SCRN1: variants seen among roughly 807,000 people sequenced by gnomAD.
The protein encoded by SCRN1 is secernin-1.
In SCRN1, 19 loss-of-function variants were observed where a neutral mutation model predicts 43.3. That is an observed-to-expected ratio of 0.44 (90% confidence interval 0.31 to 0.64). SCRN1 has a LOEUF of 0.64. Among genes scored for constraint, SCRN1 ranks in the 30% least tolerant of loss-of-function variants. The probability of loss-of-function intolerance (pLI) is 0.09; values close to 1 mark genes in which losing one functional copy is unlikely to be tolerated. For synonymous variants in SCRN1, 183 were observed against 188.9 expected (o/e 0.97, Z 0.26); for missense variants, 447 against 524.1 (o/e 0.85, Z 1.44).
At chr7:29,986,143 G>C (rs972416208) in intron 1 of SCRN1, among the ~76,000 whole-genome samples, 1 of 152,278 alleles carries the variant, frequency 6.6e-6, no homozygotes, top group Non-Finnish European at 1.5e-5. Context: ...GGTTGAGGCA[G>C]GAGAATCGCT....
At chr7:29,962,315 T>G (rs1007469530) in intron 2 of SCRN1, among the ~76,000 whole-genome samples, 3 of 149,960 alleles carry the variant, frequency 2.0e-5, no homozygotes, top group African/African-American at 4.9e-5. Flanking sequence ...GAGGGTTATA[T>G]TCTCAGAAAA....
In SCRN1 at chr7:29,927,849, G is replaced by A. The variant is rs193213491; in HGVS notation, c.906-1217C>T. Among the ~76,000 whole-genome samples the A allele has an allele frequency of 2.9e-3, 437 of 152,220 alleles. 2 individuals carry two copies. Among genetic ancestry groups the A allele is most frequent in the Admixed American group, 8.7e-3 (133 of 15,298 alleles). ...ATATTTTCAGGTATGGGCAAGGTAT[G>A]GTGGCTCACACCTGTAATCCCAGCA... On this transcript the variant is annotated intron_variant, in intron 6 of 7. Coordinates refer to ENST00000242059, the MANE Select transcript of SCRN1 (RefSeq NM_014766.5).
At chr7:29,930,553 T>C (rs1215109169) in intron 6 of SCRN1, among the ~76,000 whole-genome samples, 2 of 152,172 alleles carry the variant, frequency 1.3e-5, no homozygotes, top group East Asian at 3.8e-4. Context: ...CACCCAACCG[T>C]GTCCAGCCCA....
chr7:29,989,955 A>C, upstream of SCRN1: 3 of 1,217,508 alleles, frequency 2.5e-6, no homozygotes, highest in Non-Finnish European at 1.0e-6. Flanking sequence ...TCGAGTAGGG[A>C]GGGGGCCTGG....
rs758359979 is a variant in SCRN1 at position 29,924,100 on chromosome 7, G to C, written c.1102C>G (p.Leu368Val). ...IESDQEQGRK[L>V]RSTMLELEKQ... ...TCCAGCTCCAGCATGGTGCTCCTCA[G>C]CTTGCGACCTTGCTCCTGAGGAAGG... The change falls in exon 8 of 8, where the codon CTG becomes GTG. Residue 368 changes from leucine (L) to valine (V), a missense_variant. Coordinates refer to ENST00000242059, the MANE Select transcript of SCRN1 (RefSeq NM_014766.5). 1.2e-6 allele frequency: 2 copies of C among 1,611,948 alleles called. No individual in the cohort carries two copies. The highest frequency in any genetic ancestry group is 2.2e-5 in the South Asian group (2 of 90,722).
chr7:29,931,860 G>C (rs1192907130), intron 6 of SCRN1, among the ~76,000 whole-genome samples: 2 of 152,146 alleles, frequency 1.3e-5, no homozygotes, highest in Non-Finnish European at 2.9e-5. Context: ...CAAAAACGCA[G>C]GCGCCCCTCA....
At chr7:29,964,722 C>T (rs1423855681) in intron 2 of SCRN1, among the ~76,000 whole-genome samples, 5 of 152,020 alleles carry the variant, frequency 3.3e-5, no homozygotes, top group Admixed American at 6.6e-5. Flanking sequence ...GCGGGTGGAT[C>T]ACTTGAGGTC....
chr7:29,961,912 G>A lies in SCRN1; in HGVS notation c.160-6552C>T, dbSNP rs114036397. On this transcript the variant is annotated intron_variant, in intron 2 of 7. Coordinates refer to ENST00000242059, the MANE Select transcript of SCRN1 (RefSeq NM_014766.5). ...ACATATGGAGATGATGGCTGGATGGGACTGACTGACAAGAAGATGGAGAGA... is the reference window on the plus strand; with the variant it reads ...ACATATGGAGATGATGGCTGGATGGAACTGACTGACAAGAAGATGGAGAGA... Among the ~76,000 whole-genome samples the A allele has an allele frequency of 3.4e-3, 517 of 152,248 alleles. 1 individual carries two copies. Among genetic ancestry groups the A allele is most frequent in the African/African-American group, 0.011 (464 of 41,556 alleles).
At chr7:29,956,618 C>T (rs1583675893) in intron 2 of SCRN1, among the ~76,000 whole-genome samples, 1 of 152,166 alleles carries the variant, frequency 6.6e-6, no homozygotes, top group African/African-American at 2.4e-5. Context: ...AGCTGAAACC[C>T]GTGTGACACA....
At chr7:29,954,256 C>T (rs1382506401) in intron 3 of SCRN1, among the ~76,000 whole-genome samples, 8 of 152,106 alleles carry the variant, frequency 5.3e-5, no homozygotes, top group Admixed American at 5.2e-4. Flanking sequence ...GAAAAAATAA[C>T]TGAGACATAG....
In SCRN1 at chr7:29,953,533, TA is replaced by T. The variant is rs79449871; in HGVS notation, c.341+1645del. Among the ~76,000 whole-genome samples, 229 of 141,002 alleles carry T rather than the reference TA, an allele frequency of 1.6e-3. 2 individuals are homozygous for T. The highest frequency in any genetic ancestry group is 4.8e-3 in the Admixed American group (68 of 14,188). 92.5% of individuals were successfully genotyped at this position (141,002 alleles called of 152,430 possible). ...ACTGGAGAGCTGTCAAAACATAAGCTAAAAAAAAAAAAACTTCTTGTTATTC... is the reference window on the plus strand; with the variant it reads ...ACTGGAGAGCTGTCAAAACATAAGCTAAAAAAAAAAAACTTCTTGTTATTC... On this transcript the variant is annotated intron_variant, in intron 3 of 7. Transcript: ENST00000242059.
chr7:29,934,444 C>T (rs973110722), intron 6 of SCRN1, among the ~76,000 whole-genome samples: 3 of 152,182 alleles, frequency 2.0e-5, no homozygotes, highest in Non-Finnish European at 4.4e-5. Flanking sequence ...TTGGAAGGGT[C>T]CTGTTCCCTA....
At chr7:29,954,883 G>A (rs1421459534) in intron 3 of SCRN1, among the ~76,000 whole-genome samples, 4 of 152,126 alleles carry the variant, frequency 2.6e-5, no homozygotes, top group African/African-American at 9.7e-5. Flanking sequence ...GTTTCACCAT[G>A]TTGGCCAGGC....
chr7:29,980,186 GT>G (rs781724027), intron 1 of SCRN1, among the ~76,000 whole-genome samples: 19 of 152,146 alleles, frequency 1.2e-4, no homozygotes, highest in Non-Finnish European at 2.1e-4. Flanking sequence ...AGAAAGGTTT[GT>G]TCCTTTAACT....
Position 29,965,564 on chromosome 7 carries a change from T to C in SCRN1, c.159+3345A>G, listed in dbSNP as rs986523407. Among the ~76,000 whole-genome samples the C allele has an allele frequency of 1.3e-5, 2 of 152,090 alleles. No individual in the cohort carries two copies. Among genetic ancestry groups the C allele is most frequent in the Non-Finnish European group, 2.9e-5 (2 of 68,030 alleles). On this transcript the variant is annotated intron_variant, in intron 2 of 7. Transcript: ENST00000242059. The surrounding 1 kb of genome is among the most constrained non-coding windows in gnomAD (Gnocchi z 4.2). ...CAATGCATATGTTGTTACAGCAACATATATGAGCTGGGGGAAATGAATTTG... is the reference window on the plus strand; with the variant it reads ...CAATGCATATGTTGTTACAGCAACACATATGAGCTGGGGGAAATGAATTTG...
intron 1 of SCRN1, among the ~76,000 whole-genome samples, chr7:29,980,540 T>A (rs937537782): frequency 5.9e-5 from 9 of 152,124 alleles, no homozygotes; most frequent in East Asian, 1.9e-4. Context: ...TTAAAAAAAA[T>A]TTTCCCAATC....
chr7:29,977,215 A>C (rs1788860987), intron 1 of SCRN1, among the ~76,000 whole-genome samples: 1 of 152,218 alleles, frequency 6.6e-6, no homozygotes, highest in African/African-American at 2.4e-5. Flanking sequence ...TAAAGAATGA[A>C]ACCCAAATGT....
chr7:29,969,029 G>T lies in SCRN1; in HGVS notation c.39C>A (p.Phe13Leu). ...CCAGACCATCCTTAGCACGTGGAGGGAAGGCAACAAAACAGTAACTTGGAG... is the reference window on the plus strand; with the variant it reads ...CCAGACCATCCTTAGCACGTGGAGGTAAGGCAACAAAACAGTAACTTGGAG... ...AAPPSYCFVA[F>L]PPRAKDGLVV... Residue 13 changes from phenylalanine to leucine, a missense_variant, in exon 2 of 8, where the codon TTC (phenylalanine) becomes TTA (leucine). By Grantham distance (22) the Phe-to-Leu change is conservative. Coordinates refer to ENST00000242059, the MANE Select transcript of SCRN1 (RefSeq NM_014766.5). The T allele has an allele frequency of 5.0e-6, 8 of 1,614,026 alleles. No individual in the cohort carries two copies. Among genetic ancestry groups the T allele is most frequent in the Non-Finnish European group, 6.8e-6 (8 of 1,179,986 alleles).
chr7:29,937,093 C>T (rs768796749), intron 5 of SCRN1, among the ~76,000 whole-genome samples: 10 of 152,110 alleles, frequency 6.6e-5, no homozygotes, highest in East Asian at 1.9e-4. Context: ...AAAACTGTGG[C>T]GTGGCGGGCC....
Sources: gnomAD v4.1 joint callset for allele counts (sites outside exome capture counted in the v4.1 genomes callset) on GRCh38, gnomAD v4.1.1 for gene constraint, Gnocchi (gnomAD v3.1) non-coding constraint, MANE v1.5 for transcripts, NCBI Gene and HGNC (gene_info 2026-07-23, HGNC 2026-07-21) for gene names.